The following RMDN1 variants were observed in gnomAD, a reference collection of about 807,000 sequenced individuals.
The protein encoded by RMDN1 is regulator of microtubule dynamics protein 1.
RMDN1 carries 48 observed loss-of-function variants against 48.9 expected under a neutral mutation model. That is an observed-to-expected ratio of 0.98 (90% CI 0.78 to 1.25). The LOEUF is 1.25. RMDN1 is among the 50% of genes most tolerant of loss of function. The pLI is 0.00. For synonymous variants in RMDN1, 148 were observed against 132.6 expected, an observed-to-expected ratio of 1.12 and a Z score of -0.80; for missense variants, 418 against 373.4, an observed-to-expected ratio of 1.12 and a Z score of -0.98.
intron 2 of RMDN1, among the ~76,000 whole-genome samples, chr8:86,499,456 C>T (rs7461366): frequency 0.26 from 40,230 of 151,944 alleles, 6,215 homozygotes; most frequent in East Asian, 0.53. Flanking sequence ...AAAAACGCAA[C>T]CCCATTCATA....
In RMDN1 at chr8:86,508,672, G is replaced by A. The variant is rs1187114548; in HGVS notation, c.-52C>T. ...CACTACTTCAGGCAGCTACGGAGGC[G>A]GGCGGGGCTAAAGGAGATTCAATCC... On this transcript the variant is annotated 5_prime_UTR_variant, in exon 1 of 10. Coordinates refer to ENST00000406452, the MANE Select transcript of RMDN1 (RefSeq NM_016033.3). 6.5e-7 allele frequency: 1 copy of A among 1,532,758 alleles called. No homozygotes were observed. The highest frequency in any genetic ancestry group is 8.8e-7 in the Non-Finnish European group (1 of 1,141,734). 94.9% of individuals were successfully genotyped at this position (1,532,758 alleles called of 1,614,324 possible). A position where few individuals can be genotyped will look rare whatever the true frequency, so the allele number is the denominator to read the frequency against.
chr8:86,498,259 A>C (rs546320394), intron 2 of RMDN1, among the ~76,000 whole-genome samples: 1 of 69,354 alleles, frequency 1.4e-5, no homozygotes, highest in South Asian at 7.1e-4. Context: ...AATCAGTAGT[A>C]AAAAAAAAAA....
chr8:86,476,561 G>A (rs1813406462), intron 8 of RMDN1, among the ~76,000 whole-genome samples: 1 of 152,252 alleles, frequency 6.6e-6, no homozygotes, highest in Non-Finnish European at 1.5e-5. Context: ...TTTAGGATGG[G>A]CTGGTGGCAG....
rs551969413 is a variant in RMDN1 at position 86,502,460 on chromosome 8, G to C, written c.247+4535C>G. 3.0e-4 allele frequency among the ~76,000 whole-genome samples: 46 copies of C among 152,114 alleles called. No homozygotes were observed. In the South Asian group the frequency reaches 9.5e-3, roughly 32 times the overall value. On this transcript the variant is annotated intron_variant, in intron 2 of 9. Transcript: ENST00000406452. ...TGTTTAAGACCACTTTGCCCATGCT[G>C]GTCTTAAACTCCTGGGCTCAAGTGA...
chr8:86,502,631 T>C (rs1818449727), intron 2 of RMDN1, among the ~76,000 whole-genome samples: 1 of 152,238 alleles, frequency 6.6e-6, no homozygotes, highest in Admixed American at 6.5e-5. Flanking sequence ...ACTTGTTACT[T>C]ACCAAGCAGC....
Position 86,474,371 on chromosome 8 carries a change from A to G in RMDN1, c.895-13T>C. 6.3e-7 allele frequency: 1 copy of G among 1,585,044 alleles called. No homozygotes were observed. Among genetic ancestry groups the G allele is most frequent in the South Asian group, 1.1e-5 (1 of 90,316 alleles). On this transcript the variant is annotated splice_polypyrimidine_tract_variant and intron_variant, in intron 9 of 9. Transcript: ENST00000406452. ...CTTCTGTCTGTATCTAAAATGGAAA[A>G]ATACATGTTATAAGTAAACAGGAGA...
upstream of RMDN1, chr8:86,508,744 C>CGCCTCCTGCACAGCACCTCTTCA: frequency 7.2e-7 from 1 of 1,393,774 alleles, no homozygotes; most frequent in Non-Finnish European, 9.3e-7. Flanking sequence ...GCACCTCTTC[C>CGCCTCCTGCACAGCACCTCTTCA]GCCTCCTGCC....
intron 1 of RMDN1, among the ~76,000 whole-genome samples, chr8:86,507,506 C>T (rs948753610): frequency 6.6e-6 from 1 of 152,072 alleles, no homozygotes; most frequent in Non-Finnish European, 1.5e-5. Context: ...ACATGGCTAA[C>T]TTTTAAATTT....
At chr8:86,512,377 TC>T (rs1820088772), upstream of RMDN1, among the ~76,000 whole-genome samples, 1 of 152,166 alleles carries the variant, frequency 6.6e-6, no homozygotes, top group Non-Finnish European at 1.5e-5. Context: ...TTGTAGTACC[TC>T]CCCAGTACAC....
At chr8:86,470,001 A>G (rs1281986616), downstream of RMDN1, among the ~76,000 whole-genome samples, 4 of 152,138 alleles carry the variant, frequency 2.6e-5, no homozygotes, top group Non-Finnish European at 4.4e-5. Flanking sequence ...CATTTTTACA[A>G]CACCCACAGC....
At chr8:86,468,433 TAA>T, downstream of RMDN1, 1 of 414,812 alleles carries the variant, frequency 2.4e-6, no homozygotes. Context: ...CCTAAAGAAT[TAA>T]AAAAAAAATT....
intron 2 of RMDN1, chr8:86,503,749 G>C: frequency 2.0e-6 from 1 of 488,138 alleles, no homozygotes; most frequent in South Asian, 1.7e-5. Flanking sequence ...CTGAGATGTT[G>C]CTCACGTCCC....
chr8:86,504,832 T>C (rs1819036290), intron 2 of RMDN1: 1 of 1,051,272 alleles, frequency 9.5e-7, no homozygotes, highest in Non-Finnish European at 1.5e-6. Context: ...GTCGGACTGC[T>C]CTTCCCCTCT....
upstream of RMDN1, among the ~76,000 whole-genome samples, chr8:86,513,103 G>A (rs1315801498): frequency 1.3e-5 from 2 of 151,462 alleles, no homozygotes; most frequent in Non-Finnish European, 2.9e-5. Flanking sequence ...GGCCAGGCAC[G>A]GTGGCTCACA....
chr8:86,479,766 AAG>A lies in RMDN1; in HGVS notation c.641+509_641+510del, dbSNP rs374331275. On this transcript the variant is annotated intron_variant, in intron 6 of 9. Transcript: ENST00000406452. Reference sequence around the variant, plus strand: ...ATTCAGCTCTGCAGGCTATACTCAAAAGAGTGTCCCATCTATCTCAAAACAGA... The same window carrying A: ...ATTCAGCTCTGCAGGCTATACTCAAAAGTGTCCCATCTATCTCAAAACAGA... Among the ~76,000 whole-genome samples, 470 of 151,854 alleles carry A rather than the reference AAG, an allele frequency of 3.1e-3. 2 individuals carry two copies. Among genetic ancestry groups the A allele is most frequent in the African/African-American group, 0.011 (449 of 41,166 alleles).
chr8:86,482,652 T>C (rs1814723432), intron 5 of RMDN1: 3 of 799,910 alleles, frequency 3.8e-6, no homozygotes, highest in East Asian at 4.9e-5. Context: ...GGCTTCCACA[T>C]TGAGCGCAGT....
At chr8:86,513,854 C>CT (rs377128309) in intron 1 of RMDN1, among the ~76,000 whole-genome samples, 13,283 of 143,490 alleles carry the variant, frequency 0.093, 762 homozygotes, top group Middle Eastern at 0.18. Flanking sequence ...GTCTTGGTAA[C>CT]TTTTTTTTTT....
chr8:86,485,864 A>T (rs1257622159), intron 4 of RMDN1, among the ~76,000 whole-genome samples: 1 of 152,262 alleles, frequency 6.6e-6, no homozygotes, highest in African/African-American at 2.4e-5. Context: ...AGCAGAGTAG[A>T]GAAACAATTA....
At chr8:86,510,220 A>G (rs955913121), upstream of RMDN1, among the ~76,000 whole-genome samples, 9 of 152,292 alleles carry the variant, frequency 5.9e-5, no homozygotes, top group African/African-American at 1.9e-4. Context: ...TAGATTACAG[A>G]TATCATGACT....
Sources: gnomAD v4.1 joint callset for allele counts (sites outside exome capture counted in the v4.1 genomes callset) on GRCh38, gnomAD v4.1.1 for gene constraint, MANE v1.5 for transcripts, NCBI Gene and HGNC (gene_info 2026-07-23, HGNC 2026-07-21) for gene names.